Variants in NAALADL2 observed in about 807,000 individuals in gnomAD.
NAALADL2 encodes N-acetylated alpha-linked acidic dipeptidase like 2.
NAALADL2 carries 76 observed loss-of-function variants against 87.2 expected under a neutral mutation model. The ratio of observed to expected loss-of-function variants is 0.87; its 90% confidence interval spans 0.72 to 1.05. NAALADL2 has a LOEUF of 1.05. NAALADL2 is among the 50% of genes least tolerant of loss of function. NAALADL2 has a pLI of 0.00. For synonymous variants in NAALADL2, 354 were observed against 331.0 expected (o/e 1.07, Z -0.75); for missense variants, 1,089 against 945.8 (o/e 1.15, Z -1.99).
intron 3 of NAALADL2, among the ~76,000 whole-genome samples, chr3:174,785,727 T>C (rs1232147824): frequency 6.6e-6 from 1 of 152,212 alleles, no homozygotes; most frequent in Non-Finnish European, 1.5e-5. Context: ...AATACAGTCA[T>C]AGTGATTCCC....
intron 2 of NAALADL2, among the ~76,000 whole-genome samples, chr3:174,653,011 C>T (rs904594892): frequency 6.6e-6 from 1 of 152,072 alleles, no homozygotes; most frequent in African/African-American, 2.4e-5. Context: ...ATTAAAATGC[C>T]ACACTACACA....
At chr3:174,530,565 AAG>A (rs1721149416) in intron 1 of NAALADL2, among the ~76,000 whole-genome samples, 1 of 152,244 alleles carries the variant, frequency 6.6e-6, no homozygotes, top group African/African-American at 2.4e-5. Flanking sequence ...TTACAAAAGA[AAG>A]AGGTTTATTG....
chr3:175,180,379 A>G (rs943484560), intron 2 of NAALADL2, among the ~76,000 whole-genome samples: 1 of 151,988 alleles, frequency 6.6e-6, no homozygotes, highest in African/African-American at 2.4e-5. Context: ...TGTAAACCCA[A>G]CACCACCTTT....
chr3:175,615,880 A>C (rs1197838062), intron 10 of NAALADL2, among the ~76,000 whole-genome samples: 4 of 147,834 alleles, frequency 2.7e-5, no homozygotes, highest in Non-Finnish European at 4.5e-5. Context: ...ATATATGTAT[A>C]ATATATATGT....
intron 2 of NAALADL2, among the ~76,000 whole-genome samples, chr3:175,199,835 TATATATATATATATA>T (rs1739581412): frequency 8.9e-5 from 1 of 11,242 alleles, no homozygotes; most frequent in Non-Finnish European, 1.7e-4. Flanking sequence ...TATATATATA[TATATATATATATATA>T]TATATATATA....
At chr3:175,097,679 A>G (rs1721392381) in intron 2 of NAALADL2, among the ~76,000 whole-genome samples, 1 of 152,134 alleles carries the variant, frequency 6.6e-6, no homozygotes, top group Non-Finnish European at 1.5e-5. Context: ...GAATAAAATA[A>G]ACCTGCTTTA....
At chr3:174,894,046 G>A (rs955241365) in intron 1 of NAALADL2, among the ~76,000 whole-genome samples, 1 of 151,976 alleles carries the variant, frequency 6.6e-6, no homozygotes, top group Non-Finnish European at 1.5e-5. Flanking sequence ...AAAAAGACCA[G>A]GAGTCACTGT....
At chr3:175,783,214 TTAAAG>T (rs564325651) in intron 13 of NAALADL2, among the ~76,000 whole-genome samples, 206 of 152,286 alleles carry the variant, frequency 1.4e-3, no homozygotes, top group Non-Finnish European at 2.1e-3. Flanking sequence ...CATAAGAACT[TTAAAG>T]TAGTTTTTTC....
chr3:175,145,407 C>G (rs773165193), intron 2 of NAALADL2, among the ~76,000 whole-genome samples: 3 of 152,092 alleles, frequency 2.0e-5, no homozygotes, highest in South Asian at 2.1e-4. Flanking sequence ...AAACATATAT[C>G]TGTGTTAAGG....
chr3:174,882,836 T>TATATGTGCATATGTGTATATATAC (rs1729572007), intron 1 of NAALADL2, among the ~76,000 whole-genome samples: 1 of 140,230 alleles, frequency 7.1e-6, no homozygotes, highest in Non-Finnish European at 1.5e-5. Flanking sequence ...TACACGTGTG[T>TATATGTGCATATGTGTATATATAC]ATATGTGCAT....
At chr3:175,324,041 AAAG>A (rs374331708) in intron 4 of NAALADL2, 131 bp from the exon 5 acceptor site, 9,127 of 524,158 alleles carry the variant, frequency 0.017, 63 homozygotes, top group Non-Finnish European at 0.02. Context: ...AAAAAAAAAA[AAAG>A]AAAAAGAAAA....
At chr3:175,559,087 C>T (rs1000158090) in intron 9 of NAALADL2, among the ~76,000 whole-genome samples, 2 of 151,364 alleles carry the variant, frequency 1.3e-5, no homozygotes, top group Admixed American at 6.6e-5. Flanking sequence ...TTTTGTTGTC[C>T]TCTTCAATTT....
chr3:175,724,898 A>T (rs990197516), intron 11 of NAALADL2, among the ~76,000 whole-genome samples: 1 of 152,032 alleles, frequency 6.6e-6, no homozygotes, highest in Non-Finnish European at 1.5e-5. Flanking sequence ...CAACTGGCAC[A>T]TATAAAAGGA....
chr3:174,912,989 A>G (rs1360803893), intron 1 of NAALADL2, among the ~76,000 whole-genome samples: 1 of 152,192 alleles, frequency 6.6e-6, no homozygotes, highest in African/African-American at 2.4e-5. Context: ...TCTAAAATAC[A>G]CATATTTCCA....
intron 2 of NAALADL2, among the ~76,000 whole-genome samples, chr3:175,180,401 C>T (rs1531385): frequency 0.73 from 110,617 of 151,788 alleles, 40,815 homozygotes; most frequent in Non-Finnish European, 0.8. Context: ...TATTGTTCTA[C>T]GTATTATCTG....
At chr3:174,690,773 T>G (rs1728501985) in intron 2 of NAALADL2, among the ~76,000 whole-genome samples, 1 of 152,152 alleles carries the variant, frequency 6.6e-6, no homozygotes, top group Non-Finnish European at 1.5e-5. Flanking sequence ...ATTTGCAAAG[T>G]AGAATTCTTA....
intron 1 of NAALADL2, among the ~76,000 whole-genome samples, chr3:174,950,008 A>G (rs1464693845): frequency 6.6e-6 from 1 of 152,192 alleles, no homozygotes. Context: ...CAGCCAGCAG[A>G]TCAAATCCAG....
At chr3:175,741,148 G>C (rs1261437991) in intron 12 of NAALADL2, among the ~76,000 whole-genome samples, 4 of 152,126 alleles carry the variant, frequency 2.6e-5, no homozygotes, top group African/African-American at 7.2e-5. Context: ...CCATAGACTG[G>C]ATGGCTTATC....
intron 3 of NAALADL2, among the ~76,000 whole-genome samples, chr3:175,255,083 G>A (rs182627957): frequency 2.0e-5 from 3 of 152,282 alleles, no homozygotes; most frequent in Non-Finnish European, 2.9e-5. Context: ...TCTAGTGAGG[G>A]CCTTAAGAGA....
Sources: allele counts gnomAD v4.1 joint callset (sites outside exome capture counted in the v4.1 genomes callset), GRCh38; gene constraint gnomAD v4.1.1; transcripts MANE v1.5; gene names NCBI Gene and HGNC (gene_info 2026-07-23, HGNC 2026-07-21).